The following GPC6 variants were observed in gnomAD, a reference collection of about 807,000 sequenced individuals.
GPC6 encodes glypican-6.
Under a neutral mutation model 55.2 loss-of-function variants are expected in GPC6, and 14 were observed. The observed-to-expected ratio is 0.25, with a 90% confidence interval of 0.17 to 0.40. GPC6 has a LOEUF of 0.40. GPC6 is among the 10% of genes least tolerant of loss of function. The pLI is 1.00. For missense variants in GPC6, 641 were observed against 708.5 expected, an observed-to-expected ratio of 0.90 and a Z score of 1.08; for synonymous variants, 278 against 259.6, an observed-to-expected ratio of 1.07 and a Z score of -0.68.
intron 3 of GPC6, among the ~76,000 whole-genome samples, chr13:93,954,509 G>A (rs546050108): frequency 1.3e-5 from 2 of 152,244 alleles, no homozygotes; most frequent in South Asian, 2.1e-4. Context: ...GTTTCACCAT[G>A]TGGCCCAGGC....
Position 94,342,218 on chromosome 13 carries a change from GT to G in GPC6, c.1152+36097del, listed in dbSNP as rs1421288065. Among the ~76,000 whole-genome samples the G allele has an allele frequency of 4.6e-5, 7 of 152,342 alleles. No individual in the cohort carries two copies. In the South Asian group the frequency reaches 6.2e-4, roughly 14 times the overall value. ...TATTTAATAGAAAGCACTACTGTGA[GT>G]TGAATTGCGTCCCCCAAAAAGATAT... On this transcript the variant is annotated intron_variant, in intron 6 of 8. Transcript: ENST00000377047.
intron 1 of GPC6, among the ~76,000 whole-genome samples, chr13:93,239,608 A>AT (rs911428106): frequency 2.1e-4 from 30 of 144,218 alleles, no homozygotes; most frequent in African/African-American, 5.4e-4. Context: ...TGATCTTTGT[A>AT]TTTTTTTTTC....
chr13:94,078,148 A>G (rs1375278822), intron 4 of GPC6, among the ~76,000 whole-genome samples: 1 of 151,946 alleles, frequency 6.6e-6, no homozygotes, highest in African/African-American at 2.4e-5. Context: ...AAATTTAATA[A>G]TATATTTTTG....
intron 4 of GPC6, among the ~76,000 whole-genome samples, chr13:94,229,674 G>T (rs1323545097): frequency 6.6e-6 from 1 of 152,182 alleles, no homozygotes; most frequent in Non-Finnish European, 1.5e-5. Context: ...TAGAAGGATA[G>T]CCTCATTGAC....
intron 5 of GPC6, among the ~76,000 whole-genome samples, chr13:94,305,349 C>T (rs1303505025): frequency 6.6e-6 from 1 of 152,148 alleles, no homozygotes; most frequent in Admixed American, 6.5e-5. Flanking sequence ...ATTGTTGATT[C>T]ATTAACATTG....
chr13:94,076,344 C>T (rs975689009), intron 4 of GPC6, among the ~76,000 whole-genome samples: 1 of 151,790 alleles, frequency 6.6e-6, no homozygotes, highest in Admixed American at 6.6e-5. Flanking sequence ...TGTGGTTGTT[C>T]CTTATATACA....
intron 3 of GPC6, among the ~76,000 whole-genome samples, chr13:93,994,533 AACT>A (rs1220607693): frequency 6.6e-6 from 1 of 152,166 alleles, no homozygotes. Flanking sequence ...TTCTAAAAGA[AACT>A]TTGATTCTGT....
At chr13:93,249,983 T>C (rs1876729844) in intron 1 of GPC6, among the ~76,000 whole-genome samples, 1 of 152,176 alleles carries the variant, frequency 6.6e-6, no homozygotes, top group Admixed American at 6.5e-5. Context: ...TCTGATCTAG[T>C]TGAAAATGTA....
intron 1 of GPC6, among the ~76,000 whole-genome samples, chr13:93,343,733 G>A (rs1057381379): frequency 1.3e-5 from 2 of 152,092 alleles, no homozygotes; most frequent in African/African-American, 4.8e-5. Context: ...CGTTGAATTA[G>A]ACTACCTGAC....
intron 2 of GPC6, among the ~76,000 whole-genome samples, chr13:93,756,187 C>G (rs970703217): frequency 3.7e-4 from 56 of 152,134 alleles, no homozygotes; most frequent in African/African-American, 1.3e-3. Context: ...GTGTGTCAAT[C>G]AAGATGTTCT....
At chr13:93,511,001 A>ATATATATATG (rs1371340366) in intron 1 of GPC6, among the ~76,000 whole-genome samples, 7 of 52,024 alleles carry the variant, frequency 1.3e-4, no homozygotes, top group East Asian at 2.6e-4. Flanking sequence ...ATATATATAT[A>ATATATATATG]TATATTCATG....
chr13:93,471,511 A>G (rs1358929495), intron 1 of GPC6, among the ~76,000 whole-genome samples: 1 of 151,892 alleles, frequency 6.6e-6, no homozygotes, highest in Non-Finnish European at 1.5e-5. Flanking sequence ...ACAGAGCGAG[A>G]CTCCATCTCA....
chr13:93,453,741 T>C (rs1233137476), intron 1 of GPC6, among the ~76,000 whole-genome samples: 2 of 151,760 alleles, frequency 1.3e-5, no homozygotes, highest in African/African-American at 4.8e-5. Context: ...GGTGGGCTCG[T>C]GGTCTGGCTG....
rs1175711513 is a variant in GPC6 at position 93,695,575 on chromosome 13, C to CTTTTGAGTAAAT, written c.320-134575_320-134564dup. ...TTTTGTTTTAGATACTAAGAAGTAT[C>CTTTTGAGTAAAT]TTTTGAGTAAATTTTCTCTCAAAAT... On this transcript the variant is annotated intron_variant, in intron 2 of 8. Coordinates refer to ENST00000377047, the MANE Select transcript of GPC6 (RefSeq NM_005708.5). Among the ~76,000 whole-genome samples, 7 of 152,096 alleles carry CTTTTGAGTAAAT rather than the reference C, an allele frequency of 4.6e-5. No individual in the cohort carries two copies. In the East Asian group the frequency reaches 1.4e-3, roughly 29 times the overall value.
chr13:93,223,699 G>A (rs1200681145), upstream of GPC6, among the ~76,000 whole-genome samples: 3 of 151,952 alleles, frequency 2.0e-5, no homozygotes, highest in Non-Finnish European at 2.9e-5. Flanking sequence ...TCTCCTTAGC[G>A]TCCCAAAGTG....
chr13:94,357,656 G>A (rs1566715307), intron 6 of GPC6, among the ~76,000 whole-genome samples: 1 of 152,164 alleles, frequency 6.6e-6, no homozygotes, highest in Non-Finnish European at 1.5e-5. Flanking sequence ...TATTTTCACT[G>A]GTCCTGAGTT....
intron 6 of GPC6, among the ~76,000 whole-genome samples, chr13:94,322,240 T>C (rs7319816): frequency 0.055 from 8,412 of 152,280 alleles, 796 homozygotes; most frequent in African/African-American, 0.19. Flanking sequence ...TCTGCCACCA[T>C]GTAAGACATG....
rs57665046 is a variant in GPC6 at position 93,798,918 on chromosome 13, C to CAAAAA, written c.320-31221_320-31217dup. Among the ~76,000 whole-genome samples the CAAAAA allele has an allele frequency of 9.4e-3, 808 of 86,196 alleles. 56 individuals carry two copies. Among genetic ancestry groups the CAAAAA allele is most frequent in the African/African-American group, 0.03 (687 of 23,012 alleles). The allele number at this position is 86,196 out of a possible 152,430, so 56.5% of individuals were successfully genotyped here. ...TGGGTGACAGAGCAAGACTCTGTCT[C>CAAAAA]AAAAAAAAAAAAAAAAAAATGGTGA... On this transcript the variant is annotated intron_variant, in intron 2 of 8. Coordinates refer to ENST00000377047, the MANE Select transcript of GPC6 (RefSeq NM_005708.5).
At chr13:93,546,676 T>G (rs1874804343) in intron 2 of GPC6, among the ~76,000 whole-genome samples, 3 of 152,212 alleles carry the variant, frequency 2.0e-5, no homozygotes, top group African/African-American at 7.2e-5. Flanking sequence ...GGGTTACTCT[T>G]GATTATAGGT....
Sources: allele counts gnomAD v4.1 joint callset (sites outside exome capture counted in the v4.1 genomes callset), GRCh38; gene constraint gnomAD v4.1.1; transcripts MANE v1.5; gene names NCBI Gene and HGNC (gene_info 2026-07-23, HGNC 2026-07-21).